RAD51: variants seen among roughly 807,000 people sequenced by gnomAD.
RAD51 encodes RAD51 recombinase.
In RAD51, 14 loss-of-function variants were observed where a neutral mutation model predicts 41.5. That is an observed-to-expected ratio of 0.34 (90% CI 0.22 to 0.53). The LOEUF (loss-of-function observed/expected upper bound fraction) is 0.53. RAD51 is among the 20% of genes least tolerant of loss of function. The probability of loss-of-function intolerance (pLI) is 0.95; values close to 1 mark genes in which losing one functional copy is unlikely to be tolerated. For missense variants in RAD51, 234 were observed against 422.0 expected (o/e 0.55, Z 3.90); for synonymous variants, 136 against 148.6 (o/e 0.92, Z 0.62).
intron 6 of RAD51, among the ~76,000 whole-genome samples, chr15:40,719,177 C>T (rs1896139842): frequency 6.6e-6 from 1 of 151,868 alleles, no homozygotes; most frequent in Non-Finnish European, 1.5e-5. Context: ...CCCACCTCAG[C>T]CTTCCTAGTA....
chr15:40,703,093 C>T (rs1427359256), intron 3 of RAD51, among the ~76,000 whole-genome samples: 1 of 152,154 alleles, frequency 6.6e-6, no homozygotes, highest in Admixed American at 6.6e-5. Flanking sequence ...TCATATTACC[C>T]ATCACATCTA....
At chr15:40,698,293 A>G (rs1894778919) in intron 1 of RAD51, among the ~76,000 whole-genome samples, 1 of 150,104 alleles carries the variant, frequency 6.7e-6, no homozygotes. Context: ...GGTTGAAGCC[A>G]TTTACCTGCC....
rs2304579 is a variant in RAD51, at chr15:40,698,955, A to G, written c.87+110A>G. On this transcript the variant is annotated intron_variant, in intron 2 of 9. Coordinates refer to ENST00000267868, the MANE Select transcript of RAD51 (RefSeq NM_002875.5). The stretch of plus-strand genomic sequence containing the variant: ...GGTTTACTACCAAGGTCAAGACCCA[A>G]ATTAGACTTTTCAGAAGTGTTGTCA... 0.078 allele frequency: 84,458 copies of G among 1,081,130 alleles called. 3,733 individuals are homozygous for G. Among genetic ancestry groups the G allele is most frequent in the South Asian group, 0.12 (9,290 of 76,928 alleles). The allele number at this position is 1,081,130 out of a possible 1,614,324, so 67.0% of individuals were successfully genotyped here.
chr15:40,713,646 G>A (rs946652242), intron 5 of RAD51, among the ~76,000 whole-genome samples: 5 of 140,490 alleles, frequency 3.6e-5, no homozygotes, highest in East Asian at 2.1e-4. Flanking sequence ...TCATTCTGTC[G>A]CCTGGGCTGG....
rs190726499 is a variant in RAD51, at chr15:40,718,254, G to A, written c.436-551G>A. 6.4e-3 allele frequency among the ~76,000 whole-genome samples: 966 copies of A among 150,314 alleles called. 11 individuals carry two copies. Among genetic ancestry groups the A allele is most frequent in the African/African-American group, 0.022 (916 of 40,878 alleles). On this transcript the variant is annotated intron_variant, in intron 5 of 9. Coordinates refer to ENST00000267868, the MANE Select transcript of RAD51 (RefSeq NM_002875.5). ...AAAAAAAGGCCAGGTGCAGTGGCTC[G>A]TGCCTATAATCCCAACACTTTGGGA...
At chr15:40,709,150 C>G in intron 5 of RAD51, 34 bp downstream of exon 5, 1 of 1,533,470 alleles carries the variant, frequency 6.5e-7, no homozygotes, top group African/African-American at 1.4e-5. Flanking sequence ...ATCAAATAAG[C>G]AAGCATTACT....
chr15:40,717,209 A>G (rs1005011077), intron 5 of RAD51, among the ~76,000 whole-genome samples: 14 of 151,972 alleles, frequency 9.2e-5, no homozygotes, highest in African/African-American at 3.4e-4. Context: ...GTGGTGGTGC[A>G]TGCCTGAAAT....
chr15:40,709,045 A>G lies in RAD51; in HGVS notation c.364A>G (p.Ile122Val), dbSNP rs143362775. ...TTTAGGTGGAATTGAGACTGGATCT[A>G]TCACAGAAATGTTTGGAGAATTCCG... Reference protein sequence around the residue: ...LLQGGIETGSITEMFGEFRTG... With the variant: ...LLQGGIETGSVTEMFGEFRTG... Residue 122 changes from isoleucine to valine, a missense_variant, in exon 5 of 10, where the codon ATC becomes GTC. Physicochemically the swap from Ile to Val is conservative, Grantham distance 29. Around this residue, in one of 2 missense-constraint regions of RAD51, gnomAD observed 134 missense variants for 286.5 expected, o/e 0.47. Transcript: ENST00000267868. The G allele has an allele frequency of 3.2e-5, 51 of 1,614,034 alleles. No homozygotes were observed. In the African/African-American group the frequency reaches 6.7e-4, roughly 21 times the overall value.
chr15:40,705,224 AT>A (rs778416649), intron 3 of RAD51, among the ~76,000 whole-genome samples: 6 of 152,068 alleles, frequency 3.9e-5, no homozygotes, highest in Admixed American at 2.0e-4. Context: ...ACATTTTCTG[AT>A]TTCCCTTGTC....
At chr15:40,709,615 C>A (rs895553893) in intron 5 of RAD51, among the ~76,000 whole-genome samples, 11 of 152,034 alleles carry the variant, frequency 7.2e-5, no homozygotes, top group African/African-American at 2.7e-4. Flanking sequence ...CTCAAGTGAT[C>A]CACCCACCTT....
chr15:40,702,986 C>A (rs1895096839), intron 3 of RAD51, among the ~76,000 whole-genome samples: 1 of 152,172 alleles, frequency 6.6e-6, no homozygotes, highest in Admixed American at 6.6e-5. Flanking sequence ...CTAGCCTGAC[C>A]ATTTCTACCA....
chr15:40,712,877 C>CT (rs398039433), intron 5 of RAD51, among the ~76,000 whole-genome samples: 4,098 of 103,856 alleles, frequency 0.039, 284 homozygotes, highest in African/African-American at 0.12. Flanking sequence ...CTTTTCTTTT[C>CT]TTTTTTTTTT....
chr15:40,697,574 CTT>C (rs11340353), intron 1 of RAD51, among the ~76,000 whole-genome samples: 1 of 105,514 alleles, frequency 9.5e-6, no homozygotes, highest in Non-Finnish European at 1.8e-5. Context: ...GATGATATTT[CTT>C]TTTTTTTTTT....
chr15:40,724,324 C>G (rs1376598704), intron 6 of RAD51, among the ~76,000 whole-genome samples: 2 of 152,108 alleles, frequency 1.3e-5, no homozygotes, highest in African/African-American at 4.8e-5. Flanking sequence ...TAAGGATTAG[C>G]TTTTGGACAG....
At chr15:40,716,107 C>A (rs1895973380) in intron 5 of RAD51, among the ~76,000 whole-genome samples, 2 of 152,160 alleles carry the variant, frequency 1.3e-5, no homozygotes, top group South Asian at 4.1e-4. Flanking sequence ...AAAGTCAGTG[C>A]CCTAAAGGTT....
At chr15:40,715,229 G>A (rs983210262) in intron 5 of RAD51, among the ~76,000 whole-genome samples, 1 of 152,044 alleles carries the variant, frequency 6.6e-6, no homozygotes. Flanking sequence ...GGGGGTGGGC[G>A]CCTGTAATCC....
chr15:40,726,095 C>T (rs1896566398), intron 6 of RAD51, among the ~76,000 whole-genome samples: 1 of 152,102 alleles, frequency 6.6e-6, no homozygotes, highest in African/African-American at 2.4e-5. Context: ...GTCTGAAGTA[C>T]TGTGAAAGAA....
intron 4 of RAD51, among the ~76,000 whole-genome samples, chr15:40,706,970 G>T (rs1895383635): frequency 6.6e-6 from 1 of 151,618 alleles, no homozygotes; most frequent in Non-Finnish European, 1.5e-5. Flanking sequence ...AGGACTTCAG[G>T]GAAAACTATA....
chr15:40,699,527 C>T (rs1250519106), intron 2 of RAD51, among the ~76,000 whole-genome samples: 1 of 152,210 alleles, frequency 6.6e-6, no homozygotes, highest in Non-Finnish European at 1.5e-5. Flanking sequence ...CTCAAGCAGT[C>T]CACCTGCCTT....
Sources: allele counts gnomAD v4.1 joint callset (sites outside exome capture counted in the v4.1 genomes callset), GRCh38; gene constraint gnomAD v4.1.1; regional missense constraint gnomAD v4.1.1; transcripts MANE v1.5; gene names NCBI Gene and HGNC (gene_info 2026-07-23, HGNC 2026-07-21).